Variants in GRIA2 observed in about 807,000 individuals in gnomAD.
GRIA2 encodes the protein glutamate receptor 2.
GRIA2 carries 14 observed loss-of-function variants against 97.3 expected under a neutral mutation model. That is an observed-to-expected ratio of 0.14 (90% CI 0.10 to 0.23). GRIA2 has a LOEUF of 0.23. GRIA2 is among the 10% of genes least tolerant of loss of function. The probability of loss-of-function intolerance (pLI) is 1.00; values close to 1 mark genes in which losing one functional copy is unlikely to be tolerated. For missense variants in GRIA2, 558 were observed against 1,069.8 expected (o/e 0.52, Z 6.67); for synonymous variants, 412 against 387.8 (o/e 1.06, Z -0.73).
intron 2 of GRIA2, among the ~76,000 whole-genome samples, chr4:157,280,843 T>C (rs983153051): frequency 8.6e-5 from 13 of 152,014 alleles, no homozygotes; most frequent in African/African-American, 2.9e-4. Flanking sequence ...ACAGGAGTCA[T>C]GATTTATTCT....
chr4:157,351,992 T>C (rs952559128), intron 12 of GRIA2, among the ~76,000 whole-genome samples: 4 of 152,240 alleles, frequency 2.6e-5, no homozygotes, highest in Non-Finnish European at 5.9e-5. Context: ...ACTCTAGTTT[T>C]ATCACATTTG....
At chr4:157,242,387 A>C (rs1730548805) in intron 2 of GRIA2, among the ~76,000 whole-genome samples, 1 of 152,180 alleles carries the variant, frequency 6.6e-6, no homozygotes, top group Non-Finnish European at 1.5e-5. Context: ...GATAATGGAG[A>C]TGATTTGTTG....
chr4:157,312,829 T>C lies in GRIA2; in HGVS notation c.620T>C (p.Val207Ala). Residue 207 changes from valine (V) to alanine (A), a missense_variant, in exon 4 of 16, where the codon GTA becomes GCA. Physicochemically the swap from Val to Ala is moderately conservative, Grantham distance 64. Transcript: ENST00000264426. ...CTGGAGTTAAAAAAGGAACGGCGTG[T>C]AATTCTGGACTGTGAAAGGGATAAA... Reference protein sequence around the residue: ...QDLELKKERRVILDCERDKVN... With the variant: ...QDLELKKERRAILDCERDKVN... The C allele has an allele frequency of 1.2e-6, 2 of 1,612,182 alleles. No individual in the cohort carries two copies. Among genetic ancestry groups the C allele is most frequent in the Non-Finnish European group, 1.7e-6 (2 of 1,178,662 alleles).
chr4:157,298,742 A>G (rs1046202481), intron 2 of GRIA2, among the ~76,000 whole-genome samples: 1 of 150,700 alleles, frequency 6.6e-6, no homozygotes, highest in East Asian at 2.0e-4. Context: ...TTCCTGAATC[A>G]GCTCACAATA....
chr4:157,303,425 A>G, intron 2 of GRIA2, 127 bp from the exon 3 acceptor site: 1 of 733,198 alleles, frequency 1.4e-6, no homozygotes, highest in Non-Finnish European at 2.2e-6. Context: ...ATGGATCATT[A>G]AATCTATATT....
intron 10 of GRIA2, 85 bp from the exon 11 acceptor site, chr4:157,336,292 C>G: frequency 9.1e-7 from 1 of 1,099,868 alleles, no homozygotes; most frequent in Non-Finnish European, 1.3e-6. Context: ...ATTTCCTCTC[C>G]TTTTTCTTTG....
intron 12 of GRIA2, among the ~76,000 whole-genome samples, chr4:157,345,227 G>A (rs544856652): frequency 6.6e-6 from 1 of 151,798 alleles, no homozygotes; most frequent in Admixed American, 6.6e-5. Context: ...ATCATTAAAC[G>A]AAACATTCAT....
Position 157,220,823 on chromosome 4 carries a change from G to A in GRIA2, c.-220G>A, listed in dbSNP as rs573040967. The A allele has an allele frequency of 1.8e-6, 1 of 570,584 alleles. No homozygotes were observed. The highest frequency in any genetic ancestry group is 3.1e-6 in the Non-Finnish European group (1 of 320,576). The allele number at this position is 570,584 out of a possible 1,614,324, so 35.3% of individuals were successfully genotyped here. On this transcript the variant is annotated 5_prime_UTR_variant, in exon 1 of 16. Transcript: ENST00000264426. ...AAAACTGCATTCAGCCAGTCCTCCG[G>A]ACTTCTGGAGCGGGGACAGGGCGCA...
At chr4:157,348,008 CG>C (rs560608743) in intron 12 of GRIA2, among the ~76,000 whole-genome samples, 104 of 151,736 alleles carry the variant, frequency 6.9e-4, no homozygotes, top group Non-Finnish European at 1.0e-3. Flanking sequence ...CCCAGCTACT[CG>C]GGAGGCTGAG....
Position 157,332,808 on chromosome 4 carries a change from A to G in GRIA2, c.883-11A>G. 1 of 1,603,810 alleles carries G rather than the reference A, an allele frequency of 6.2e-7. No individual in the cohort carries two copies. The highest frequency in any genetic ancestry group is 8.5e-7 in the Non-Finnish European group (1 of 1,173,640). ...CTCCCGTTCTTATGAAATGTGTGTG[A>G]TCCTTTGCAGTATACTTCTGCTCTG... On this transcript the variant is annotated splice_polypyrimidine_tract_variant and intron_variant, in intron 6 of 15. Transcript: ENST00000264426.
intron 2 of GRIA2, among the ~76,000 whole-genome samples, chr4:157,240,359 A>C (rs1366238090): frequency 2.0e-5 from 3 of 152,118 alleles, no homozygotes; most frequent in Non-Finnish European, 4.4e-5. Context: ...ATTTGGAGCA[A>C]TTAATCTAGG....
At chr4:157,309,531 T>C (rs926593932) in intron 3 of GRIA2, among the ~76,000 whole-genome samples, 16 of 152,214 alleles carry the variant, frequency 1.1e-4, no homozygotes, top group Admixed American at 3.9e-4. Flanking sequence ...TTTATATTTT[T>C]AGTAGAGATG....
intron 2 of GRIA2, among the ~76,000 whole-genome samples, chr4:157,242,766 G>T (rs1730563313): frequency 5.3e-5 from 8 of 151,926 alleles, no homozygotes; most frequent in Admixed American, 3.9e-4. Flanking sequence ...CATTGTTTAT[G>T]TTTACAAACA....
intron 12 of GRIA2, among the ~76,000 whole-genome samples, chr4:157,358,396 A>G (rs1414928208): frequency 6.6e-6 from 1 of 152,196 alleles, no homozygotes; most frequent in Non-Finnish European, 1.5e-5. Context: ...TCTCATAGAT[A>G]TGCTTTTACA....
chr4:157,220,560 G>A (rs973609196), upstream of GRIA2: 1 of 152,450 alleles, frequency 6.6e-6, no homozygotes, highest in African/African-American at 2.4e-5. Flanking sequence ...GGGGGAGGGG[G>A]CGCGCGCTCC....
intron 6 of GRIA2, among the ~76,000 whole-genome samples, chr4:157,322,125 C>A (rs1267823366): frequency 2.6e-5 from 4 of 151,856 alleles, no homozygotes; most frequent in Non-Finnish European, 5.9e-5. Flanking sequence ...CAATAGGTGT[C>A]AGTTTGTTCC....
Position 157,361,773 on chromosome 4 carries a change from G to T in GRIA2, c.2406+649G>T. ...AGAATGTAAATGCAAATATGCATGA[G>T]ATGCATAATTTGGTAAGATGTTTTG... On this transcript the variant is annotated intron_variant, in intron 14 of 15. Coordinates refer to ENST00000264426, the MANE Select transcript of GRIA2 (RefSeq NM_001083619.3). The surrounding 1 kb of genome is among the most constrained non-coding windows in gnomAD (Gnocchi z 5.2). The T allele has an allele frequency of 1.5e-6, 1 of 656,626 alleles. No individual in the cohort carries two copies. The highest frequency in any genetic ancestry group is 2.7e-6 in the Non-Finnish European group (1 of 369,746). 40.7% of individuals were successfully genotyped at this position (656,626 alleles called of 1,614,324 possible). A position where few individuals can be genotyped will look rare whatever the true frequency, so the allele number is the denominator to read the frequency against.
intron 12 of GRIA2, among the ~76,000 whole-genome samples, chr4:157,356,855 A>G (rs1736405241): frequency 6.6e-6 from 1 of 152,138 alleles, no homozygotes; most frequent in Non-Finnish European, 1.5e-5. Flanking sequence ...CCACAAATAT[A>G]TGAATTAGGC....
chr4:157,359,211 G>A (rs1301139163), intron 12 of GRIA2, among the ~76,000 whole-genome samples: 1 of 151,988 alleles, frequency 6.6e-6, no homozygotes, highest in African/African-American at 2.4e-5. Context: ...GTTTCAATTA[G>A]CCTTTCTTTC....
Sources: gnomAD v4.1 joint callset for allele counts (sites outside exome capture counted in the v4.1 genomes callset) on GRCh38, gnomAD v4.1.1 for gene constraint, Gnocchi (gnomAD v3.1) non-coding constraint, MANE v1.5 for transcripts, NCBI Gene and HGNC (gene_info 2026-07-23, HGNC 2026-07-21) for gene names.